The following WDR44 variants were observed in gnomAD, a reference collection of about 807,000 sequenced individuals.
WDR44 encodes WD repeat-containing protein 44.
In WDR44, 9 loss-of-function variants were observed where a neutral mutation model predicts 65.7. The observed-to-expected ratio is 0.14, with a 90% CI of 0.08 to 0.24. The LOEUF (loss-of-function observed/expected upper bound fraction) is 0.24. Ranked by LOEUF, WDR44 falls within the 10% of genes least tolerant of loss-of-function variation. WDR44 has a pLI of 1.00. For synonymous variants in WDR44, 220 were observed against 235.2 expected, an observed-to-expected ratio of 0.94 and a Z score of 0.59; for missense variants, 425 against 670.9, an observed-to-expected ratio of 0.63 and a Z score of 4.05.
intron 1 of WDR44, among the ~76,000 whole-genome samples, chrX:118,352,335 TATATATATA>T (rs2056415266): frequency 5.5e-5 from 1 of 18,185 alleles, no homozygotes; most frequent in African/African-American, 4.9e-4. Context: ...TATATATATA[TATATATATA>T]TATATATATT....
intron 3 of WDR44, 99 bp downstream of exon 3, chrX:118,387,513 A>G (rs180911214): frequency 4.3e-6 from 2 of 463,439 alleles, no homozygotes; most frequent in South Asian, 1.0e-4. Context: ...AGCGCTCTGT[A>G]CATGGCTGAT....
chrX:118,359,968 G>A (rs2056496967), intron 1 of WDR44, among the ~76,000 whole-genome samples: 1 of 112,048 alleles, frequency 8.9e-6, no homozygotes, highest in Admixed American at 9.5e-5. Context: ...AGTTACCTGA[G>A]ATTTTGGGAT....
chrX:118,350,893 CT>C (rs1464197294), intron 1 of WDR44, among the ~76,000 whole-genome samples: 5 of 111,241 alleles, frequency 4.5e-5, no homozygotes, highest in Non-Finnish European at 5.7e-5. Context: ...AATTTAGGGT[CT>C]GAGAGGGGAA....
chrX:118,429,054 G>T lies in WDR44; in HGVS notation c.1738-3727G>T, dbSNP rs557974628. Among the ~76,000 whole-genome samples, 56 of 110,769 alleles carry T rather than the reference G, an allele frequency of 5.1e-4. 1 individual carries two copies. In the South Asian group the frequency reaches 0.02, roughly 39 times the overall value. Reference sequence around the variant, plus strand: ...ACAACACACAGTGGGGCCTGTCAGGGGGATGGGAGGAGGGAGAGCATCAGG... The same window carrying T: ...ACAACACACAGTGGGGCCTGTCAGGTGGATGGGAGGAGGGAGAGCATCAGG... On this transcript the variant is annotated intron_variant, in intron 12 of 19. Coordinates refer to ENST00000254029, the MANE Select transcript of WDR44 (RefSeq NM_019045.5).
In WDR44 at chrX:118,444,802, G is replaced by A. The variant is rs770946844; in HGVS notation, c.2647+308G>A. On this transcript the variant is annotated intron_variant, in intron 19 of 19. Coordinates refer to ENST00000254029, the MANE Select transcript of WDR44 (RefSeq NM_019045.5). ...TTTTGTAGAGATGGGATTTCACCATGTTGCCCAGGCTGGTCTCAAACTTCT... is the reference window on the plus strand; with the variant it reads ...TTTTGTAGAGATGGGATTTCACCATATTGCCCAGGCTGGTCTCAAACTTCT... 1.8e-3 allele frequency among the ~76,000 whole-genome samples: 202 copies of A among 109,932 alleles called. 1 individual carries two copies. The highest frequency in any genetic ancestry group is 4.7e-3 in the Middle Eastern group (1 of 215).
intron 1 of WDR44, among the ~76,000 whole-genome samples, chrX:118,360,523 C>T (rs1406632903): frequency 8.9e-6 from 1 of 112,075 alleles, no homozygotes; most frequent in Non-Finnish European, 1.9e-5. Context: ...AGACTTAGCA[C>T]TTCAGTGTCG....
chrX:118,435,513 C>T (rs2057247808), intron 13 of WDR44, among the ~76,000 whole-genome samples: 1 of 111,774 alleles, frequency 8.9e-6, no homozygotes, highest in Admixed American at 9.5e-5. Flanking sequence ...GAACTCCTGA[C>T]CTCAAATGAT....
chrX:118,425,185 A>G (rs1247497179), intron 12 of WDR44, among the ~76,000 whole-genome samples: 3 of 112,060 alleles, frequency 2.7e-5, no homozygotes, highest in South Asian at 7.4e-4. Context: ...GGAAAATAGA[A>G]AAGGAAAACA....
chrX:118,423,885 TAGC>T (rs1261293068), intron 12 of WDR44, among the ~76,000 whole-genome samples: 1 of 112,066 alleles, frequency 8.9e-6, no homozygotes, highest in Non-Finnish European at 1.9e-5. Context: ...TAATTTCACT[TAGC>T]ATAATGTCTT....
chrX:118,398,745 G>T (rs1309433711), intron 8 of WDR44, among the ~76,000 whole-genome samples: 2 of 111,657 alleles, frequency 1.8e-5, no homozygotes, highest in African/African-American at 6.5e-5. Context: ...TGGCCAACAT[G>T]GTGAAACCCC....
intron 1 of WDR44, among the ~76,000 whole-genome samples, chrX:118,354,458 T>A (rs1490280000): frequency 9.1e-6 from 1 of 110,327 alleles, no homozygotes; most frequent in Non-Finnish European, 1.9e-5. Context: ...ATGATAATGC[T>A]TCAAGGAAAT....
At chrX:118,424,666 G>C (rs1454308445) in intron 12 of WDR44, among the ~76,000 whole-genome samples, 1 of 110,027 alleles carries the variant, frequency 9.1e-6, no homozygotes, top group Non-Finnish European at 1.9e-5. Context: ...TCATGTTGTT[G>C]GTTGTTTCTT....
At chrX:118,362,748 C>A (rs1357214467) in intron 1 of WDR44, among the ~76,000 whole-genome samples, 2 of 109,208 alleles carry the variant, frequency 1.8e-5, no homozygotes, top group African/African-American at 6.7e-5. Flanking sequence ...ACTAACAGAA[C>A]GTAGGATTAA....
chrX:118,383,196 A>G (rs1239026707), intron 2 of WDR44, among the ~76,000 whole-genome samples: 1 of 112,358 alleles, frequency 8.9e-6, no homozygotes, highest in Admixed American at 9.5e-5. Flanking sequence ...TTAAAAGTTC[A>G]GACTCCAAGA....
chrX:118,434,255 A>G (rs1411176354), intron 13 of WDR44, among the ~76,000 whole-genome samples: 1 of 111,957 alleles, frequency 8.9e-6, no homozygotes, highest in Non-Finnish European at 1.9e-5. Context: ...AGTAATGTGC[A>G]TTTTTAAGGA....
intron 12 of WDR44, among the ~76,000 whole-genome samples, chrX:118,420,868 T>C (rs2057099358): frequency 8.9e-6 from 1 of 112,593 alleles, no homozygotes; most frequent in Non-Finnish European, 1.9e-5. Flanking sequence ...GGTACTTTTA[T>C]ACTGATATTA....
Position 118,422,154 on chromosome X carries a change from G to C in WDR44, c.1738-10627G>C, listed in dbSNP as rs1444422965. ...CATGCCTATAATCCCAGCACTTTGGGAGGCCCAGGCAGGAGGATTGCTTGA... is the reference window on the plus strand; with the variant it reads ...CATGCCTATAATCCCAGCACTTTGGCAGGCCCAGGCAGGAGGATTGCTTGA... On this transcript the variant is annotated intron_variant, in intron 12 of 19. Coordinates refer to ENST00000254029, the MANE Select transcript of WDR44 (RefSeq NM_019045.5). Among the ~76,000 whole-genome samples, 14 of 110,205 alleles carry C rather than the reference G, an allele frequency of 1.3e-4. No homozygotes were observed. In the Admixed American group the frequency reaches 1.4e-3, roughly 11 times the overall value.
intron 1 of WDR44, among the ~76,000 whole-genome samples, chrX:118,351,069 A>G (rs760652599): frequency 8.9e-6 from 1 of 112,353 alleles, no homozygotes; most frequent in African/African-American, 3.2e-5. Context: ...AAGATGGTTT[A>G]CTTGACTGTT....
At chrX:118,441,858 A>G (rs899813604) in intron 15 of WDR44, among the ~76,000 whole-genome samples, 1 of 111,777 alleles carries the variant, frequency 8.9e-6, no homozygotes, top group African/African-American at 3.3e-5. Flanking sequence ...CTTGTGCCTC[A>G]GCCTCCTGAG....
Sources: allele counts gnomAD v4.1 joint callset (sites outside exome capture counted in the v4.1 genomes callset), GRCh38; gene constraint gnomAD v4.1.1; transcripts MANE v1.5; gene names NCBI Gene and HGNC (gene_info 2026-07-23, HGNC 2026-07-21).